CYP2C19: variants seen among roughly 807,000 people sequenced by gnomAD.
The protein encoded by CYP2C19 is cytochrome P450 2C19.
Under a neutral mutation model 40.9 loss-of-function variants are expected in CYP2C19, and 59 were observed. The observed-to-expected ratio is 1.44, with a 90% CI of 1.17 to 1.79. The LOEUF is 1.79. Ranked by LOEUF, CYP2C19 falls within the 40% of genes most tolerant of loss-of-function variation. The pLI is 0.00. For missense variants in CYP2C19, 754 were observed against 596.9 expected, an observed-to-expected ratio of 1.26 and a Z score of -2.74; for synonymous variants, 253 against 208.7, an observed-to-expected ratio of 1.21 and a Z score of -1.83.
rs1848463945 is a variant in CYP2C19, at chr10:94,780,376, T to G, written c.482-123T>G. On this transcript the variant is annotated intron_variant, in intron 3 of 8. Coordinates refer to ENST00000371321, the MANE Select transcript of CYP2C19 (RefSeq NM_000769.4). The stretch of plus-strand genomic sequence containing the variant: ...TATGCATGCCAAACTCTTTTTTGCT[T>G]TTAAGGGAATTCATAGGTAAGATAT... The G allele has an allele frequency of 3.9e-6, 5 of 1,294,528 alleles. No homozygotes were observed. The South Asian group carries it at 7.8e-5, about 20-fold the overall frequency. 80.2% of individuals were successfully genotyped at this position (1,294,528 alleles called of 1,614,324 possible).
chr10:94,815,354 A>G (rs1041100735), intron 5 of CYP2C19, among the ~76,000 whole-genome samples: 1 of 152,244 alleles, frequency 6.6e-6, no homozygotes, highest in Non-Finnish European at 1.5e-5. Flanking sequence ...CTCTAAAAGC[A>G]TAATTAATTT....
At chr10:94,792,191 AT>A (rs766785337) in intron 5 of CYP2C19, among the ~76,000 whole-genome samples, 21 of 151,710 alleles carry the variant, frequency 1.4e-4, no homozygotes, top group Non-Finnish European at 2.9e-4. Flanking sequence ...CAACCCCTGC[AT>A]TTTTTTGCTT....
intron 3 of CYP2C19, chr10:94,776,536 A>C (rs1848409924): frequency 6.6e-6 from 1 of 152,222 alleles, no homozygotes; most frequent in Non-Finnish European, 1.5e-5. Context: ...CACACTCAAC[A>C]GACTTCCAGC....
intron 3 of CYP2C19, among the ~76,000 whole-genome samples, chr10:94,779,214 T>C (rs1848450749): frequency 6.6e-6 from 1 of 152,116 alleles, no homozygotes. Flanking sequence ...CAAACCACCA[T>C]GGCACATGTA....
chr10:94,828,045 C>T (rs1849259593), intron 6 of CYP2C19, among the ~76,000 whole-genome samples: 1 of 151,970 alleles, frequency 6.6e-6, no homozygotes, highest in Admixed American at 6.6e-5. Context: ...GCCATAATTT[C>T]TGTTCTTTTA....
chr10:94,840,059 A>G (rs1032637510), intron 6 of CYP2C19, among the ~76,000 whole-genome samples: 6 of 152,034 alleles, frequency 3.9e-5, no homozygotes, highest in Non-Finnish European at 8.8e-5. Flanking sequence ...TCTAAAAGTT[A>G]CTTTTCTACT....
intron 6 of CYP2C19, among the ~76,000 whole-genome samples, chr10:94,839,364 C>G (rs187597953): frequency 6.6e-6 from 1 of 152,236 alleles, no homozygotes; most frequent in East Asian, 1.9e-4. Flanking sequence ...TTATGCTTAC[C>G]GATGTAGCAG....
In CYP2C19 at chr10:94,818,549, A is replaced by G. The variant is rs565675958; in HGVS notation, c.820-1947A>G. 9.4e-3 allele frequency among the ~76,000 whole-genome samples: 1,317 copies of G among 140,298 alleles called. 23 individuals are homozygous for G. The highest frequency in any genetic ancestry group is 0.034 in the African/African-American group (1,263 of 37,262). 92.0% of individuals were successfully genotyped at this position (140,298 alleles called of 152,430 possible). A position where few individuals can be genotyped will look rare whatever the true frequency, so the allele number is the denominator to read the frequency against. On this transcript the variant is annotated intron_variant, in intron 5 of 8. Coordinates refer to ENST00000371321, the MANE Select transcript of CYP2C19 (RefSeq NM_000769.4). Reference sequence around the variant, plus strand: ...ATGGAATGTTCTTCCATTTGTTTGTATCCTCTTTTATTTCCTTGAGCAGTG... The same window carrying G: ...ATGGAATGTTCTTCCATTTGTTTGTGTCCTCTTTTATTTCCTTGAGCAGTG...
chr10:94,822,111 A>G (rs975154656), intron 6 of CYP2C19, among the ~76,000 whole-genome samples: 6 of 152,132 alleles, frequency 3.9e-5, no homozygotes, highest in Non-Finnish European at 8.8e-5. Context: ...GTGCTGCAAA[A>G]GACATGATTT....
chr10:94,787,211 T>C (rs1216710696), intron 5 of CYP2C19, among the ~76,000 whole-genome samples: 2 of 152,162 alleles, frequency 1.3e-5, no homozygotes, highest in East Asian at 3.8e-4. Flanking sequence ...TGAGATGATA[T>C]CTCATTGTGG....
chr10:94,837,699 A>AC lies in CYP2C19; in HGVS notation c.962-5136dup, dbSNP rs1348885806. On this transcript the variant is annotated intron_variant, in intron 6 of 8. Transcript: ENST00000371321. ...AGGAGAGTAAGACTGAGAAGGTTGC[A>AC]CCAGTGTCCAGGAGACAGTTAACCT... Among the ~76,000 whole-genome samples, 3 of 152,246 alleles carry AC rather than the reference A, an allele frequency of 2.0e-5. No homozygotes were observed. The East Asian group carries it at 5.8e-4, about 30-fold the overall frequency.
chr10:94,851,335 C>G (rs930120204), intron 8 of CYP2C19, among the ~76,000 whole-genome samples: 7 of 151,390 alleles, frequency 4.6e-5, no homozygotes, highest in African/African-American at 1.5e-4. Flanking sequence ...AGTGAGAAAT[C>G]ATCCCCTATG....
At chr10:94,765,509 G>A (rs1848227839) in intron 1 of CYP2C19, among the ~76,000 whole-genome samples, 1 of 152,146 alleles carries the variant, frequency 6.6e-6, no homozygotes, top group African/African-American at 2.4e-5. Context: ...GTGAGTGGCT[G>A]GAAAGGGGTG....
intron 1 of CYP2C19, among the ~76,000 whole-genome samples, chr10:94,766,223 G>A (rs1013696224): frequency 3.8e-5 from 4 of 106,056 alleles, no homozygotes; most frequent in Non-Finnish European, 6.1e-5. Context: ...GCCAGGGAAG[G>A]ATTGGACTGG....
At chr10:94,797,502 A>T (rs1183050728) in intron 5 of CYP2C19, among the ~76,000 whole-genome samples, 1 of 152,098 alleles carries the variant, frequency 6.6e-6, no homozygotes, top group Non-Finnish European at 1.5e-5. Context: ...TGCTGGCCTC[A>T]TAAAATTAGT....
At chr10:94,794,876 T>A (rs1186297450) in intron 5 of CYP2C19, among the ~76,000 whole-genome samples, 1 of 152,098 alleles carries the variant, frequency 6.6e-6, no homozygotes, top group Non-Finnish European at 1.5e-5. Context: ...CCTCTTTTCC[T>A]AATTGAATAC....
chr10:94,764,748 G>A (rs1384864159), intron 1 of CYP2C19, among the ~76,000 whole-genome samples: 2 of 152,146 alleles, frequency 1.3e-5, no homozygotes, highest in Non-Finnish European at 2.9e-5. Flanking sequence ...ACCATCTGTA[G>A]CTTGATGGCG....
chr10:94,797,883 T>C (rs1848710432), intron 5 of CYP2C19, among the ~76,000 whole-genome samples: 1 of 152,144 alleles, frequency 6.6e-6, no homozygotes, highest in Non-Finnish European at 1.5e-5. Context: ...TTCTCTCTTT[T>C]CTTCTTTATT....
At chr10:94,818,437 G>A (rs1049930206) in intron 5 of CYP2C19, among the ~76,000 whole-genome samples, 2 of 152,056 alleles carry the variant, frequency 1.3e-5, no homozygotes, top group African/African-American at 4.8e-5. Flanking sequence ...AAAGTCATTG[G>A]TAGCTTGATG....
Sources: gnomAD v4.1 joint callset for allele counts (sites outside exome capture counted in the v4.1 genomes callset) on GRCh38, gnomAD v4.1.1 for gene constraint, MANE v1.5 for transcripts, NCBI Gene and HGNC (gene_info 2026-07-23, HGNC 2026-07-21) for gene names.